ERI1: variants seen among roughly 807,000 people sequenced by gnomAD.
ERI1 encodes the protein exoribonuclease 1, also known as 3'-5' exoribonuclease 1.
In ERI1, 39 loss-of-function variants were observed where a neutral mutation model predicts 39.7. The ratio of observed to expected loss-of-function variants is 0.98; its 90% CI spans 0.76 to 1.28. The LOEUF (loss-of-function observed/expected upper bound fraction) is 1.28. Among genes scored for constraint, ERI1 ranks in the 50% most tolerant of loss-of-function variants. The probability of loss-of-function intolerance (pLI) is 0.00; values close to 1 mark genes in which losing one functional copy is unlikely to be tolerated. For missense variants in ERI1, 581 were observed against 416.9 expected, an observed-to-expected ratio of 1.39 and a Z score of -3.43; for synonymous variants, 204 against 149.6, an observed-to-expected ratio of 1.36 and a Z score of -2.65.
rs188067715 is a variant in ERI1 at position 9,051,523 on chromosome 8, A to G, written n.299+31059A>G. ...AATACAAAAATAAGCAGGGCATGGTAGCATGCACCTGTAGTTCCAGCTACT... is the reference window on the plus strand; with the variant it reads ...AATACAAAAATAAGCAGGGCATGGTGGCATGCACCTGTAGTTCCAGCTACT... On this transcript the variant is annotated intron_variant and non_coding_transcript_variant, in intron 3 of 3. Transcript: ENST00000518663. Among the ~76,000 whole-genome samples the G allele has an allele frequency of 1.4e-3, 214 of 152,098 alleles. 1 individual carries two copies. Among genetic ancestry groups the G allele is most frequent in the Admixed American group, 2.8e-3 (43 of 15,278 alleles).
At chr8:9,051,069 AT>A (rs1303476930) in intron 3 of ERI1, among the ~76,000 whole-genome samples, 3 of 152,120 alleles carry the variant, frequency 2.0e-5, no homozygotes, top group Non-Finnish European at 4.4e-5. Context: ...GTAACAAATT[AT>A]TATTTAAAGT....
intron 3 of ERI1, among the ~76,000 whole-genome samples, chr8:9,015,722 C>CAGAAAAA (rs1817178316): frequency 1.8e-5 from 1 of 56,576 alleles, no homozygotes; most frequent in African/African-American, 8.2e-5. Flanking sequence ...ACTCTGTCTC[C>CAGAAAAA]AAAAAAAAAA....
At chr8:9,087,645 T>C (rs1216184984) in intron 3 of ERI1, among the ~76,000 whole-genome samples, 1 of 152,142 alleles carries the variant, frequency 6.6e-6, no homozygotes, top group African/African-American at 2.4e-5. Context: ...CACACGCAGA[T>C]ACAGACATCT....
chr8:9,053,585 T>TCACC (rs1367319276), intron 3 of ERI1, among the ~76,000 whole-genome samples: 4 of 152,164 alleles, frequency 2.6e-5, no homozygotes, highest in African/African-American at 7.2e-5. Context: ...GTTCTATGAG[T>TCACC]CACCGTAGTC....
chr8:9,094,250 C>T (rs964008575), intron 3 of ERI1, among the ~76,000 whole-genome samples: 3 of 152,158 alleles, frequency 2.0e-5, no homozygotes, highest in African/African-American at 4.8e-5. Context: ...GCATGAGAAT[C>T]GTCGTGGACT....
intron 3 of ERI1, among the ~76,000 whole-genome samples, chr8:9,094,428 A>C (rs1034042974): frequency 2.2e-4 from 33 of 152,118 alleles, no homozygotes; most frequent in Non-Finnish European, 4.3e-4. Flanking sequence ...CTGAGTCTCA[A>C]ACTTTTCAAT....
chr8:9,003,987 GTCACTTCCAT>G lies in ERI1; in HGVS notation c.108+818_108+827del, dbSNP rs1286861479. 4.5e-6 allele frequency: 4 copies of G among 885,240 alleles called. No individual in the cohort carries two copies. In the Admixed American group the frequency reaches 9.3e-5, roughly 21 times the overall value. 54.8% of individuals were successfully genotyped at this position (885,240 alleles called of 1,614,324 possible). A position where few individuals can be genotyped will look rare whatever the true frequency, so the allele number is the denominator to read the frequency against. On this transcript the variant is annotated intron_variant, in intron 1 of 6. Transcript: ENST00000250263. Reference sequence around the variant, plus strand: ...TGAATTTGGCTTATTCCCCTCCTGAGTCACTTCCATTTGCTGCTCTGCGGGGTCGGGTGCC... The same window carrying G: ...TGAATTTGGCTTATTCCCCTCCTGAGTTGCTGCTCTGCGGGGTCGGGTGCC...
At position 9,055,683 on chromosome 8, in the gene ERI1, G is replaced by A. The variant is rs531303783; in HGVS notation, n.299+35219G>A. Among the ~76,000 whole-genome samples, 3 of 152,258 alleles carry A rather than the reference G, an allele frequency of 2.0e-5. No homozygotes were observed. The South Asian group carries it at 6.2e-4, about 32-fold the overall frequency. ...ACCTCCTGAGTAGCTGGGATTACAG[G>A]CACCCGCCACCATGCCTGGCTAATT... On this transcript the variant is annotated intron_variant and non_coding_transcript_variant, in intron 3 of 3. Coordinates refer to the ERI1 transcript ENST00000518663.
intron 3 of ERI1, among the ~76,000 whole-genome samples, chr8:9,090,693 T>C (rs1365674527): frequency 3.3e-5 from 5 of 152,192 alleles, no homozygotes; most frequent in African/African-American, 1.2e-4. Context: ...TCCTCAGTTA[T>C]AGATTGTGCT....
In ERI1 at chr8:9,015,722, CA is replaced by C. The variant is rs758835506; in HGVS notation, c.499-581del. Among the ~76,000 whole-genome samples, 259 of 56,576 alleles carry C rather than the reference CA, an allele frequency of 4.6e-3. 4 individuals are homozygous for C. The East Asian group carries it at 0.098, about 21-fold the overall frequency. The allele number at this position is 56,576 out of a possible 152,430, so 37.1% of individuals were successfully genotyped here. A position where few individuals can be genotyped will look rare whatever the true frequency, so the allele number is the denominator to read the frequency against. ...GGGAGACAGAGCGAGACTCTGTCTC[CA>C]AAAAAAAAAAAAAAAAAAGAGACCA... On this transcript the variant is annotated intron_variant, in intron 3 of 6. Transcript: ENST00000250263.
intron 1 of ERI1, chr8:9,004,367 A>T (rs1254312946): frequency 1.1e-6 from 1 of 915,122 alleles, no homozygotes; most frequent in Non-Finnish European, 1.4e-6. Flanking sequence ...ATGCTTCTTT[A>T]TATTTGAAAG....
At chr8:9,091,342 G>A (rs1799697586) in intron 3 of ERI1, 1 of 152,138 alleles carries the variant, frequency 6.6e-6, no homozygotes, top group Non-Finnish European at 1.5e-5. Context: ...ACAACATGGT[G>A]AAACCCTGTC....
intron 3 of ERI1, among the ~76,000 whole-genome samples, chr8:9,064,977 G>A (rs534191129): frequency 2.4e-4 from 37 of 152,324 alleles, no homozygotes; most frequent in Non-Finnish European, 4.4e-4. Context: ...TGGCAGGAAG[G>A]AGTGGGGGTC....
rs181505856 is a variant in ERI1 at position 9,023,780 on chromosome 8, T to A, written c.807+3316T>A. Among the ~76,000 whole-genome samples the A allele has an allele frequency of 4.8e-3, 715 of 147,834 alleles. 8 individuals carry two copies. Among genetic ancestry groups the A allele is most frequent in the African/African-American group, 0.017 (682 of 40,508 alleles). ...GGTATGTCTAAAAACATTTTTTTTT[T>A]AAGTAAAAATGACTTTTTTTTTTTT... On this transcript the variant is annotated intron_variant, in intron 6 of 6. Transcript: ENST00000250263.
chr8:9,011,899 AT>A (rs1816712808), intron 3 of ERI1, 147 bp downstream of exon 3: 3 of 543,726 alleles, frequency 5.5e-6, no homozygotes, highest in Non-Finnish European at 9.4e-6. Flanking sequence ...TATCAGCTTG[AT>A]TAATAGAAAA....
intron 3 of ERI1, among the ~76,000 whole-genome samples, chr8:9,078,830 T>G (rs966724177): frequency 6.6e-6 from 1 of 152,218 alleles, no homozygotes; most frequent in Non-Finnish European, 1.5e-5. Context: ...TCTCTTCTTT[T>G]GTTTTTGTGG....
intron 3 of ERI1, among the ~76,000 whole-genome samples, chr8:9,089,434 T>C (rs1415258826): frequency 6.6e-6 from 1 of 152,156 alleles, no homozygotes; most frequent in African/African-American, 2.4e-5. Context: ...GAACTTAAGA[T>C]TCTTCTTCCT....
At chr8:9,026,051 C>CA (rs1189442901) in intron 6 of ERI1, among the ~76,000 whole-genome samples, 2 of 152,098 alleles carry the variant, frequency 1.3e-5, no homozygotes, top group African/African-American at 2.4e-5. Flanking sequence ...CTGATGCTAC[C>CA]AATAAGCAAT....
At chr8:9,034,035 G>T (rs144445865), downstream of ERI1, among the ~76,000 whole-genome samples, 3 of 152,306 alleles carry the variant, frequency 2.0e-5, no homozygotes, top group Non-Finnish European at 4.4e-5. Flanking sequence ...AACGATTTTT[G>T]CTTTAAAATT....
Sources: allele counts gnomAD v4.1 joint callset (sites outside exome capture counted in the v4.1 genomes callset), GRCh38; gene constraint gnomAD v4.1.1; transcripts MANE v1.5; gene names NCBI Gene and HGNC (gene_info 2026-07-23, HGNC 2026-07-21).